PLPPR1: variants seen among roughly 807,000 people sequenced by gnomAD.
The protein encoded by PLPPR1 is phospholipid phosphatase related 1, also known as phospholipid phosphatase-related protein type 1.
Under a neutral mutation model 33.1 loss-of-function variants are expected in PLPPR1, and 10 were observed. The ratio of observed to expected loss-of-function variants is 0.30; its 90% CI spans 0.19 to 0.51. The LOEUF is 0.51. Ranked by LOEUF, PLPPR1 falls within the 20% of genes least tolerant of loss-of-function variation. PLPPR1 has a pLI of 0.97. For missense variants in PLPPR1, 304 were observed against 408.1 expected (o/e 0.74, Z 2.20); for synonymous variants, 151 against 151.0 (o/e 1.00, Z 0.00).
At chr9:101,115,763 G>T (rs1188085071) in intron 1 of PLPPR1, among the ~76,000 whole-genome samples, 1 of 152,040 alleles carries the variant, frequency 6.6e-6, no homozygotes, top group Non-Finnish European at 1.5e-5. Flanking sequence ...TATACTCAGA[G>T]AATTCCCTCA....
chr9:101,294,795 C>T (rs1001128220), intron 4 of PLPPR1, among the ~76,000 whole-genome samples: 39 of 152,050 alleles, frequency 2.6e-4, no homozygotes, highest in Middle Eastern at 3.4e-3. Flanking sequence ...ATTGATGGGA[C>T]GTATCTCAAA....
intron 1 of PLPPR1, among the ~76,000 whole-genome samples, chr9:101,088,643 A>G (rs1830705695): frequency 6.6e-6 from 1 of 152,178 alleles, no homozygotes; most frequent in South Asian, 2.1e-4. Context: ...GAACATCTTA[A>G]GTAATCAGCA....
chr9:101,247,749 T>A (rs1827638731), intron 2 of PLPPR1, among the ~76,000 whole-genome samples: 1 of 151,962 alleles, frequency 6.6e-6, no homozygotes, highest in Non-Finnish European at 1.5e-5. Context: ...GAGCGCTGAT[T>A]TTTCACTGGC....
chr9:101,045,915 G>A (rs535522208), intron 1 of PLPPR1, among the ~76,000 whole-genome samples: 2 of 152,268 alleles, frequency 1.3e-5, no homozygotes, highest in Admixed American at 6.5e-5. Flanking sequence ...ATAAATATCA[G>A]TTATCTTCCC....
intron 1 of PLPPR1, among the ~76,000 whole-genome samples, chr9:101,094,502 G>T (rs928951377): frequency 6.6e-6 from 1 of 152,062 alleles, no homozygotes; most frequent in African/African-American, 2.4e-5. Context: ...ATATTTTTAT[G>T]TTTATAAAAA....
chr9:101,234,886 A>G (rs1827268728), intron 2 of PLPPR1, among the ~76,000 whole-genome samples: 1 of 151,918 alleles, frequency 6.6e-6, no homozygotes, highest in Admixed American at 6.6e-5. Context: ...ATGTATCCTT[A>G]CTTTTTGCTG....
intron 1 of PLPPR1, among the ~76,000 whole-genome samples, chr9:101,061,453 C>G (rs1029483478): frequency 6.6e-6 from 1 of 151,984 alleles, no homozygotes; most frequent in Non-Finnish European, 1.5e-5. Flanking sequence ...ACACTTCTGA[C>G]AGCTGACTAA....
intron 2 of PLPPR1, among the ~76,000 whole-genome samples, chr9:101,208,171 G>A (rs1415750871): frequency 2.0e-5 from 3 of 152,184 alleles, no homozygotes; most frequent in African/African-American, 7.2e-5. Context: ...CCAGTAGGCT[G>A]TGAGATTTCA....
At chr9:101,195,394 A>G (rs1231627142) in intron 2 of PLPPR1, among the ~76,000 whole-genome samples, 1 of 152,148 alleles carries the variant, frequency 6.6e-6, no homozygotes, top group Non-Finnish European at 1.5e-5. Context: ...CATCCAGATA[A>G]TAAAAGGTTT....
At chr9:101,279,700 T>C (rs1306338107) in intron 3 of PLPPR1, among the ~76,000 whole-genome samples, 2 of 152,134 alleles carry the variant, frequency 1.3e-5, no homozygotes, top group Non-Finnish European at 2.9e-5. Flanking sequence ...AATTAAACAA[T>C]ACGTTCCTGA....
At chr9:101,268,414 C>T (rs16920109) in intron 2 of PLPPR1, among the ~76,000 whole-genome samples, 2,821 of 152,224 alleles carry the variant, frequency 0.019, 87 homozygotes, top group African/African-American at 0.065. Context: ...AAAGGCTGTG[C>T]TTCAATGCTG....
intron 4 of PLPPR1, among the ~76,000 whole-genome samples, chr9:101,287,588 T>C (rs1350279822): frequency 3.9e-5 from 6 of 152,144 alleles, no homozygotes; most frequent in Non-Finnish European, 8.8e-5. Context: ...GCAACCTCCG[T>C]CTGCCAGGTT....
rs963155502 is a variant in PLPPR1, at chr9:101,259,360, G to T, written c.64-10520G>T. Among the ~76,000 whole-genome samples the T allele has an allele frequency of 3.0e-4, 45 of 152,248 alleles. 1 individual carries two copies. The highest frequency in any genetic ancestry group is 9.9e-4 in the African/African-American group (41 of 41,554). On this transcript the variant is annotated intron_variant, in intron 2 of 7. Transcript: ENST00000374874. ...ACCAAAAAATATGGGCAGGACAAAG[G>T]CCAGTGTGTTCAATGCAGAGAAAAT...
At chr9:101,166,983 A>AC (rs1475085911) in intron 1 of PLPPR1, among the ~76,000 whole-genome samples, 1 of 144,388 alleles carries the variant, frequency 6.9e-6, no homozygotes, top group East Asian at 2.2e-4. Flanking sequence ...CTAATTAGTT[A>AC]CCCTGTCGCT....
chr9:101,261,542 A>G (rs1827899291), intron 2 of PLPPR1, among the ~76,000 whole-genome samples: 1 of 152,176 alleles, frequency 6.6e-6, no homozygotes, highest in Non-Finnish European at 1.5e-5. Context: ...TGTCCTTCTT[A>G]ACCACACTTT....
intron 1 of PLPPR1, among the ~76,000 whole-genome samples, chr9:101,184,698 C>T (rs2915418): frequency 0.72 from 108,566 of 151,522 alleles, 39,485 homozygotes; most frequent in Non-Finnish European, 0.78. Context: ...TAACTAATCT[C>T]CTAATACAAT....
intron 1 of PLPPR1, among the ~76,000 whole-genome samples, chr9:101,173,779 G>A (rs1486027187): frequency 6.6e-6 from 1 of 152,070 alleles, no homozygotes; most frequent in African/African-American, 2.4e-5. Flanking sequence ...AGGACATATG[G>A]CAAAGTCTGT....
intron 2 of PLPPR1, among the ~76,000 whole-genome samples, chr9:101,263,173 A>T (rs987932755): frequency 7.9e-5 from 12 of 152,142 alleles, no homozygotes; most frequent in African/African-American, 1.4e-4. Flanking sequence ...GAAAAATTTT[A>T]AAAAAATAAC....
intron 3 of PLPPR1, 30 bp from the exon 4 acceptor site, chr9:101,286,074 C>T: frequency 6.3e-7 from 1 of 1,598,672 alleles, no homozygotes; most frequent in Non-Finnish European, 8.6e-7. Context: ...AGATCTCCAA[C>T]TTGACATTTC....
Sources: gnomAD v4.1 joint callset for allele counts (sites outside exome capture counted in the v4.1 genomes callset) on GRCh38, gnomAD v4.1.1 for gene constraint, MANE v1.5 for transcripts, NCBI Gene and HGNC (gene_info 2026-07-23, HGNC 2026-07-21) for gene names.